CA10: variants seen among roughly 807,000 people sequenced by gnomAD.
CA10 encodes the protein carbonic anhydrase 10 (inactive), also known as carbonic anhydrase-related protein 10.
A neutral mutation model predicts 44.2 loss-of-function variants in CA10; 14 were observed. That is an observed-to-expected ratio of 0.32 (90% CI 0.21 to 0.50). CA10 has a LOEUF of 0.50. CA10 is among the 20% of genes least tolerant of loss of function. The probability of loss-of-function intolerance (pLI) is 0.99; values close to 1 mark genes in which losing one functional copy is unlikely to be tolerated. For missense variants in CA10, 350 were observed against 409.7 expected (o/e 0.85, Z 1.26); for synonymous variants, 159 against 141.6 (o/e 1.12, Z -0.87).
At chr17:51,809,839 C>T (rs1423901676) in intron 3 of CA10, among the ~76,000 whole-genome samples, 3 of 152,136 alleles carry the variant, frequency 2.0e-5, no homozygotes, top group Admixed American at 2.0e-4. Context: ...TGAATCACAA[C>T]TGAGTCCAGT....
At chr17:51,959,664 T>C (rs1038274068) in intron 2 of CA10, among the ~76,000 whole-genome samples, 2 of 151,856 alleles carry the variant, frequency 1.3e-5, no homozygotes, top group South Asian at 4.2e-4. Context: ...GGTTGGTATG[T>C]GTGTGTGGAG....
chr17:51,721,092 G>C (rs547857005), intron 4 of CA10, among the ~76,000 whole-genome samples: 28 of 152,228 alleles, frequency 1.8e-4, no homozygotes, highest in African/African-American at 6.3e-4. Context: ...CACTTTGGGA[G>C]GCTGAGGTGG....
In CA10 at chr17:52,144,493, C is replaced by T. The variant is rs151276891; in HGVS notation, c.61+13233G>A. Among the ~76,000 whole-genome samples the T allele has an allele frequency of 8.5e-3, 1,299 of 152,154 alleles. 29 individuals are homozygous for T. The highest frequency in any genetic ancestry group is 0.03 in the African/African-American group (1,236 of 41,528). ...GCAGTTGTAAACTAAAAATATGGGGCATTAATTTCTTAATTTTTAAAAAAT... is the reference window on the plus strand; with the variant it reads ...GCAGTTGTAAACTAAAAATATGGGGTATTAATTTCTTAATTTTTAAAAAAT... On this transcript the variant is annotated intron_variant, in intron 1 of 8. Transcript: ENST00000451037.
At chr17:51,971,982 C>T (rs1984295965) in intron 2 of CA10, among the ~76,000 whole-genome samples, 1 of 151,944 alleles carries the variant, frequency 6.6e-6, no homozygotes, top group African/African-American at 2.4e-5. Context: ...GTCATTTGAT[C>T]ACACTAGAGT....
At chr17:51,855,771 T>A (rs1297577059) in intron 3 of CA10, among the ~76,000 whole-genome samples, 1 of 152,206 alleles carries the variant, frequency 6.6e-6, no homozygotes, top group Non-Finnish European at 1.5e-5. Context: ...ATGATGAAAG[T>A]TGCAATTAAT....
At chr17:51,644,314 C>T (rs1349766007) in intron 6 of CA10, among the ~76,000 whole-genome samples, 1 of 152,184 alleles carries the variant, frequency 6.6e-6, no homozygotes, top group Non-Finnish European at 1.5e-5. Flanking sequence ...CCTCAGTTTG[C>T]TGATGAGGCA....
At chr17:51,754,412 T>TG (rs1905009972) in intron 3 of CA10, among the ~76,000 whole-genome samples, 1 of 58,164 alleles carries the variant, frequency 1.7e-5, no homozygotes, top group South Asian at 5.3e-4. Context: ...TATATATATA[T>TG]ATATATATAT....
At chr17:51,831,721 C>CAGCAGCAGT (rs1567854648) in intron 3 of CA10, among the ~76,000 whole-genome samples, 1 of 108,758 alleles carries the variant, frequency 9.2e-6, no homozygotes, top group Non-Finnish European at 2.1e-5. Flanking sequence ...GCAGCAGCAG[C>CAGCAGCAGT]AGCAGCAGCA....
chr17:51,771,524 A>G (rs140043281), intron 3 of CA10, among the ~76,000 whole-genome samples: 1 of 152,246 alleles, frequency 6.6e-6, no homozygotes, highest in East Asian at 1.9e-4. Context: ...ACTCTCTGTA[A>G]TGGCTATGTT....
chr17:51,997,124 G>T (rs1400222567), intron 2 of CA10, among the ~76,000 whole-genome samples: 1 of 152,044 alleles, frequency 6.6e-6, no homozygotes, highest in African/African-American at 2.4e-5. Context: ...GTCCTCAAGA[G>T]ATCTTTCTAG....
At position 52,087,837 on chromosome 17, in the gene CA10, G is replaced by A. The variant is rs1040633485; in HGVS notation, c.62-15444C>T. Among the ~76,000 whole-genome samples, 3 of 152,160 alleles carry A rather than the reference G, an allele frequency of 2.0e-5. No homozygotes were observed. In the East Asian group the frequency reaches 5.8e-4, roughly 29 times the overall value. On this transcript the variant is annotated intron_variant, in intron 1 of 8. Transcript: ENST00000451037. ...CTTATTTATCAGATGGGGAAACAGA[G>A]TCCTAGAGGAATAAAAACTTTCAGA...
intron 3 of CA10, among the ~76,000 whole-genome samples, chr17:51,796,718 G>A (rs1417241435): frequency 1.3e-5 from 2 of 152,100 alleles, no homozygotes; most frequent in Non-Finnish European, 2.9e-5. Flanking sequence ...TAACTTTAAT[G>A]TAACATCTGT....
chr17:51,928,109 C>A (rs1312879436), intron 3 of CA10, among the ~76,000 whole-genome samples: 1 of 152,024 alleles, frequency 6.6e-6, no homozygotes, highest in Non-Finnish European at 1.5e-5. Flanking sequence ...TGGATACTTG[C>A]ATATATCTAA....
chr17:52,047,904 T>C (rs1986955492), intron 2 of CA10, among the ~76,000 whole-genome samples: 1 of 151,870 alleles, frequency 6.6e-6, no homozygotes. Flanking sequence ...TGTTTTATGG[T>C]GAAACAATAT....
chr17:51,838,742 A>G (rs181458178), intron 3 of CA10, among the ~76,000 whole-genome samples: 2 of 152,364 alleles, frequency 1.3e-5, no homozygotes, highest in South Asian at 2.1e-4. Flanking sequence ...TCTCAAACAC[A>G]AAGAAGATCG....
intron 2 of CA10, among the ~76,000 whole-genome samples, chr17:51,970,174 G>A (rs1984230034): frequency 6.6e-6 from 1 of 151,990 alleles, no homozygotes; most frequent in Non-Finnish European, 1.5e-5. Flanking sequence ...AGCTACCCAA[G>A]CTAAGTCTTT....
intron 2 of CA10, among the ~76,000 whole-genome samples, chr17:51,963,498 A>G (rs1983968020): frequency 1.3e-5 from 2 of 152,278 alleles, no homozygotes; most frequent in Admixed American, 1.3e-4. Flanking sequence ...TAAGAAAAAA[A>G]TCTCAGAGGT....
intron 3 of CA10, among the ~76,000 whole-genome samples, chr17:51,769,416 G>T (rs1905512296): frequency 6.6e-6 from 1 of 152,186 alleles, no homozygotes; most frequent in African/African-American, 2.4e-5. Flanking sequence ...TAAGTGCTAA[G>T]ACAGAGGTTT....
intron 3 of CA10, among the ~76,000 whole-genome samples, chr17:51,844,018 T>C (rs947789396): frequency 6.6e-6 from 1 of 152,214 alleles, no homozygotes; most frequent in Non-Finnish European, 1.5e-5. Context: ...AAATGCTCTG[T>C]AAATTGATTA....
Sources: allele counts gnomAD v4.1 joint callset (sites outside exome capture counted in the v4.1 genomes callset), GRCh38; gene constraint gnomAD v4.1.1; transcripts MANE v1.5; gene names NCBI Gene and HGNC (gene_info 2026-07-23, HGNC 2026-07-21).